STOX1: variants seen among roughly 807,000 people sequenced by gnomAD.
The protein encoded by STOX1 is storkhead box 1, also known as storkhead-box protein 1.
STOX1 carries 57 observed loss-of-function variants against 74.8 expected under a neutral mutation model. That is an observed-to-expected ratio of 0.76 (90% CI 0.62 to 0.95). The LOEUF is 0.95. STOX1 is among the 40% of genes least tolerant of loss of function. STOX1 has a pLI of 0.00. For missense variants in STOX1, 1,010 were observed against 1,117.0 expected, an observed-to-expected ratio of 0.90 and a Z score of 1.37; for synonymous variants, 375 against 401.3, an observed-to-expected ratio of 0.93 and a Z score of 0.78.
At chr10:68,835,523 C>T (rs963520897) in intron 1 of STOX1, among the ~76,000 whole-genome samples, 6 of 152,038 alleles carry the variant, frequency 3.9e-5, no homozygotes, top group African/African-American at 7.2e-5. Flanking sequence ...TGGAGTCTCC[C>T]TGTGTTGTCC....
At chr10:68,840,151 T>C (rs1442697374) in intron 1 of STOX1, among the ~76,000 whole-genome samples, 2 of 152,194 alleles carry the variant, frequency 1.3e-5, no homozygotes, top group Non-Finnish European at 2.9e-5. Context: ...AATGAAATTC[T>C]ACCCCTTTCT....
rs370329100 is a variant in STOX1 at position 68,886,651 on chromosome 10, G to A, written c.2822+33G>A. 116 of 1,596,704 alleles carry A rather than the reference G, an allele frequency of 7.3e-5. No individual in the cohort carries two copies. In the East Asian group the frequency reaches 2.1e-3, roughly 30 times the overall value. ...CATACAAAAGTGTCTGATTTAGGCC[G>A]GGCGCAGTGGCTCATGCCTGTAATC... On this transcript the variant is annotated intron_variant, in intron 3 of 3. Transcript: ENST00000298596.
intron 1 of STOX1, among the ~76,000 whole-genome samples, chr10:68,832,390 A>C (rs1168003569): frequency 6.6e-6 from 1 of 152,228 alleles, no homozygotes; most frequent in Non-Finnish European, 1.5e-5. Context: ...AAAATGCCCC[A>C]GGCCATGCCT....
At chr10:68,888,087 A>G (rs1841010033) in intron 3 of STOX1, among the ~76,000 whole-genome samples, 3 of 151,978 alleles carry the variant, frequency 2.0e-5, no homozygotes, top group South Asian at 2.1e-4. Flanking sequence ...GCACACACGC[A>G]CACACACGCG....
chr10:68,860,569 CAA>C (rs11353333), intron 1 of STOX1, among the ~76,000 whole-genome samples: 1,505 of 63,530 alleles, frequency 0.024, 4 homozygotes, highest in Non-Finnish European at 0.032. Flanking sequence ...GACTCTGTCT[CAA>C]AAAAAAAAAA....
At chr10:68,881,142 T>C (rs1006593592) in intron 1 of STOX1, among the ~76,000 whole-genome samples, 5 of 152,238 alleles carry the variant, frequency 3.3e-5, no homozygotes, top group African/African-American at 1.2e-4. Context: ...TCTTAGTCTT[T>C]CATTTCCAAT....
At chr10:68,847,582 G>A (rs1389657406) in intron 1 of STOX1, among the ~76,000 whole-genome samples, 3 of 151,032 alleles carry the variant, frequency 2.0e-5, no homozygotes, top group Admixed American at 1.3e-4. Context: ...GCTAATTTTT[G>A]TATTTTTAGT....
chr10:68,895,006 G>A (rs552210197), downstream of STOX1, among the ~76,000 whole-genome samples: 78 of 152,308 alleles, frequency 5.1e-4, no homozygotes, highest in African/African-American at 1.8e-3. Context: ...TTACAGATGT[G>A]AGCCACTGTG....
chr10:68,851,841 TAAA>T (rs1363168036), intron 1 of STOX1, among the ~76,000 whole-genome samples: 1 of 150,018 alleles, frequency 6.7e-6, no homozygotes, highest in Non-Finnish European at 1.5e-5. Flanking sequence ...ACTCTTGTCT[TAAA>T]AACAAACAGC....
intron 1 of STOX1, among the ~76,000 whole-genome samples, chr10:68,841,113 A>T (rs1189998127): frequency 6.6e-6 from 1 of 151,600 alleles, no homozygotes; most frequent in East Asian, 1.9e-4. Context: ...AGTCTGGCTC[A>T]TTTTTGTATT....
chr10:68,888,795 C>T (rs1406057586), intron 3 of STOX1, among the ~76,000 whole-genome samples: 2 of 129,826 alleles, frequency 1.5e-5, no homozygotes, highest in Non-Finnish European at 3.1e-5. Flanking sequence ...GTCACTATGC[C>T]CAGCTAATTT....
In STOX1 at chr10:68,884,633, A is replaced by G. The variant is rs1021754625; in HGVS notation, c.837A>G (p.Val279=). ...HRGLGESVSW[V]QNGAVSVSAE... ...GTCTTGGGGAATCCGTATCTTGGGTACAGAATGGGGCAGTTTCAGTGTCTG... is the reference window on the plus strand; with the variant it reads ...GTCTTGGGGAATCCGTATCTTGGGTGCAGAATGGGGCAGTTTCAGTGTCTG... Residue 279 remains valine (V), a synonymous_variant, in exon 3 of 4, where the codon GTA becomes GTG. Transcript: ENST00000298596. 8 of 1,613,950 alleles carry G rather than the reference A, an allele frequency of 5.0e-6. No homozygotes were observed. The African/African-American group carries it at 1.1e-4, about 22-fold the overall frequency.
intron 1 of STOX1, among the ~76,000 whole-genome samples, chr10:68,852,739 T>C (rs1840021156): frequency 6.6e-6 from 1 of 151,578 alleles, no homozygotes; most frequent in Non-Finnish European, 1.5e-5. Flanking sequence ...CATGCCACCA[T>C]GCCTGGCTAA....
rs1840964024 is a variant in STOX1 at position 68,886,540 on chromosome 10, A to G, written c.2744A>G (p.Asp915Gly). 1.2e-6 allele frequency: 2 copies of G among 1,614,204 alleles called. No homozygotes were observed. Among genetic ancestry groups the G allele is most frequent in the Non-Finnish European group, 1.7e-6 (2 of 1,180,026 alleles). Reference sequence around the variant, plus strand: ...TCACATATGCCAGTGTTGGCTCAGGATGTCCAATATGAACACAGTCACTTG... The same window carrying G: ...TCACATATGCCAGTGTTGGCTCAGGGTGTCCAATATGAACACAGTCACTTG... Reference protein sequence around the residue: ...NTSHMPVLAQDVQYEHSHLEG... With the variant: ...NTSHMPVLAQGVQYEHSHLEG... The change falls in exon 3 of 4, where the codon GAT (aspartate) becomes GGT (glycine). Residue 915 changes from aspartate to glycine, a missense_variant. By Grantham distance (94) the Asp-to-Gly change is moderately conservative. Transcript: ENST00000298596.
chr10:68,861,472 G>C (rs541191901), intron 1 of STOX1, among the ~76,000 whole-genome samples: 1 of 152,212 alleles, frequency 6.6e-6, no homozygotes, highest in African/African-American at 2.4e-5. Context: ...AACCTCCAGC[G>C]TGAGCATCAT....
At chr10:68,872,544 A>G (rs1370828319) in intron 1 of STOX1, among the ~76,000 whole-genome samples, 1 of 151,900 alleles carries the variant, frequency 6.6e-6, no homozygotes, top group African/African-American at 2.4e-5. Context: ...ACGAGGTTTC[A>G]CCATGTTGGC....
chr10:68,836,607 G>A (rs906017947), intron 1 of STOX1, among the ~76,000 whole-genome samples: 6 of 152,146 alleles, frequency 3.9e-5, no homozygotes, highest in Non-Finnish European at 5.9e-5. Flanking sequence ...GCCTGGTGTC[G>A]GAGAAGGAGC....
rs1839488499 is a variant in STOX1, at chr10:68,834,355, GGC to G, written c.310+6423_310+6424del. ...TCGGTGCCTGATGCTGCAAGAATTG[GGC>G]AAGTCTCTGGACCACTGTTCTTATT... is the stretch of plus-strand genomic sequence containing the variant. On this transcript the variant is annotated intron_variant, in intron 1 of 3. Transcript: ENST00000298596. Among the ~76,000 whole-genome samples, 5 of 152,218 alleles carry G rather than the reference GGC, an allele frequency of 3.3e-5. No homozygotes were observed. In the South Asian group the frequency reaches 1.0e-3, roughly 32 times the overall value.
chr10:68,880,859 A>G (rs1383504539), intron 1 of STOX1, among the ~76,000 whole-genome samples: 1 of 151,830 alleles, frequency 6.6e-6, no homozygotes, highest in Non-Finnish European at 1.5e-5. Flanking sequence ...GTGTCCGGCT[A>G]ATTTTTGTAT....
Sources: allele counts gnomAD v4.1 joint callset (sites outside exome capture counted in the v4.1 genomes callset), GRCh38; gene constraint gnomAD v4.1.1; transcripts MANE v1.5; gene names NCBI Gene and HGNC (gene_info 2026-07-23, HGNC 2026-07-21).